Variants in FHIT observed in about 807,000 individuals in gnomAD.
The protein encoded by FHIT is bis(5'-adenosyl)-triphosphatase.
A neutral mutation model predicts 17.9 loss-of-function variants in FHIT; 19 were observed. The ratio of observed to expected loss-of-function variants is 1.06; its 90% CI spans 0.74 to 1.56. The LOEUF (loss-of-function observed/expected upper bound fraction) is 1.56, where lower values mean the gene tolerates loss of function less well. Ranked by LOEUF, FHIT falls within the 40% of genes most tolerant of loss-of-function variation. FHIT has a pLI of 0.00. For missense variants in FHIT, 248 were observed against 189.2 expected (o/e 1.31, Z -1.82); for synonymous variants, 81 against 69.7 (o/e 1.16, Z -0.81).
At chr3:61,075,980 C>T (rs1486917987) in intron 2 of FHIT, among the ~76,000 whole-genome samples, 1 of 152,124 alleles carries the variant, frequency 6.6e-6, no homozygotes, top group Non-Finnish European at 1.5e-5. Flanking sequence ...GTGTTGAGCA[C>T]TTTACATTAT....
In FHIT at chr3:60,926,767, C is replaced by G. The variant is rs540817709; in HGVS notation, c.-110-104756G>C. On this transcript the variant is annotated intron_variant, in intron 3 of 9. Coordinates refer to ENST00000492590, the MANE Select transcript of FHIT (RefSeq NM_002012.4). ...TTCAAAAAATCAATGAATCCAGGAG[C>G]TGGTTTTTTGAAAAGATCAACAAAA... 2.0e-5 allele frequency among the ~76,000 whole-genome samples: 3 copies of G among 152,202 alleles called. No individual in the cohort carries two copies. In the South Asian group the frequency reaches 6.2e-4, roughly 32 times the overall value.
At chr3:59,831,275 T>TATGATG (rs374077447) in intron 8 of FHIT, among the ~76,000 whole-genome samples, 31 of 151,720 alleles carry the variant, frequency 2.0e-4, no homozygotes, top group African/African-American at 6.5e-4. Flanking sequence ...ATGCTGGTGA[T>TATGATG]ATGATGATGA....
At chr3:59,940,086 T>G (rs969939954) in intron 7 of FHIT, among the ~76,000 whole-genome samples, 3 of 152,168 alleles carry the variant, frequency 2.0e-5, no homozygotes, top group Non-Finnish European at 4.4e-5. Context: ...GGACCTGAGA[T>G]AGTCAACACC....
chr3:60,291,834 T>A (rs73836413), intron 5 of FHIT, among the ~76,000 whole-genome samples: 1 of 152,132 alleles, frequency 6.6e-6, no homozygotes, highest in Non-Finnish European at 1.5e-5. Context: ...AGAGGAAAGA[T>A]TGGAGCCAGA....
rs570079456 is a variant in FHIT at position 60,569,586 on chromosome 3, G to A, written c.-17-32607C>T. The stretch of plus-strand genomic sequence containing the variant: ...AGAACGTAAGCTCTAGTGTCAGAAC[G>A]CCTGGGTTCTTATTCCATCTGGCTA... On this transcript the variant is annotated intron_variant, in intron 4 of 9. Transcript: ENST00000492590. 8.6e-5 allele frequency among the ~76,000 whole-genome samples: 13 copies of A among 151,554 alleles called. No homozygotes were observed. In the South Asian group the frequency reaches 1.7e-3, roughly 19 times the overall value.
At position 60,780,369 on chromosome 3, in the gene FHIT, C is replaced by T. The variant is rs76014555; in HGVS notation, c.-18+41550G>A. ...TTAAACTGGTTAGCTTAGGATTGGG[C>T]TCAGGGGAAGGGGACCCAGAAGCCC... On this transcript the variant is annotated intron_variant, in intron 4 of 9. Coordinates refer to ENST00000492590, the MANE Select transcript of FHIT (RefSeq NM_002012.4). Among the ~76,000 whole-genome samples, 471 of 152,238 alleles carry T rather than the reference C, an allele frequency of 3.1e-3. 2 individuals are homozygous for T. Among genetic ancestry groups the T allele is most frequent in the Non-Finnish European group, 5.5e-3 (374 of 68,018 alleles).
intron 3 of FHIT, among the ~76,000 whole-genome samples, chr3:60,998,282 T>G (rs1444343936): frequency 6.6e-6 from 1 of 152,208 alleles, no homozygotes; most frequent in Non-Finnish European, 1.5e-5. Flanking sequence ...TGCTTGTTAT[T>G]CAAGAGCAAC....
rs1491311135 is a variant in FHIT, at chr3:61,239,761, C to CTATATATATATATATATATATATA, written c.-213+11539_-213+11540insTATATATATATATATATATATATA. On this transcript the variant is annotated intron_variant, in intron 1 of 9. Coordinates refer to ENST00000492590, the MANE Select transcript of FHIT (RefSeq NM_002012.4). ...TAAAACTGCAAAGAAAAACAACTGG[C>CTATATATATATATATATATATATA]CATATATATATATATATATATATAC... is the stretch of plus-strand genomic sequence containing the variant. 6.5e-3 allele frequency among the ~76,000 whole-genome samples: 412 copies of CTATATATATATATATATATATATA among 63,006 alleles called. 17 individuals are homozygous for CTATATATATATATATATATATATA. The highest frequency in any genetic ancestry group is 0.013 in the East Asian group (13 of 1,028). The allele number at this position is 63,006 out of a possible 152,430, so 41.3% of individuals were successfully genotyped here.
intron 5 of FHIT, among the ~76,000 whole-genome samples, chr3:60,040,112 G>A (rs746638689): frequency 6.6e-6 from 1 of 151,954 alleles, no homozygotes; most frequent in Non-Finnish European, 1.5e-5. Flanking sequence ...AAAAATTGAT[G>A]TCACCTAATG....
At chr3:59,831,212 T>C (rs1469575035) in intron 8 of FHIT, among the ~76,000 whole-genome samples, 1 of 152,166 alleles carries the variant, frequency 6.6e-6, no homozygotes, top group Non-Finnish European at 1.5e-5. Flanking sequence ...TTATTACTGA[T>C]ATGAAGTATT....
intron 4 of FHIT, among the ~76,000 whole-genome samples, chr3:60,750,483 C>T (rs1553716519): frequency 6.6e-6 from 1 of 152,108 alleles, no homozygotes; most frequent in African/African-American, 2.4e-5. Flanking sequence ...GTCTTTCCTG[C>T]ACTGTTCACA....
intron 5 of FHIT, among the ~76,000 whole-genome samples, chr3:60,359,603 A>G (rs1311633957): frequency 6.6e-6 from 1 of 152,088 alleles, no homozygotes; most frequent in African/African-American, 2.4e-5. Context: ...TCTTTTTCGA[A>G]TTCTGTGACA....
rs755998896 is a variant in FHIT, at chr3:60,229,449, G to A, written c.104-215297C>T. On this transcript the variant is annotated intron_variant, in intron 5 of 9. Transcript: ENST00000492590. ...GAAAAAAAAAAAAAGAAAAAGAAAA[G>A]AAAAGAAAGAAAGAAAAGAAAGCAA... 9.1e-3 allele frequency among the ~76,000 whole-genome samples: 1,368 copies of A among 150,662 alleles called. 17 individuals are homozygous for A. Among genetic ancestry groups the A allele is most frequent in the Middle Eastern group, 0.021 (6 of 292 alleles).
chr3:61,240,443 C>A (rs1301329035), intron 1 of FHIT, among the ~76,000 whole-genome samples: 1 of 152,154 alleles, frequency 6.6e-6, no homozygotes, highest in African/African-American at 2.4e-5. Context: ...CTGGGTGAAT[C>A]TCTCCTCTCC....
chr3:60,983,080 TTAAC>T (rs1440288057), intron 3 of FHIT, among the ~76,000 whole-genome samples: 1 of 152,032 alleles, frequency 6.6e-6, no homozygotes, highest in African/African-American at 2.4e-5. Flanking sequence ...GGACAGATAT[TTAAC>T]TAAGTAACCT....
intron 4 of FHIT, among the ~76,000 whole-genome samples, chr3:60,743,363 G>T (rs2042278301): frequency 6.6e-6 from 1 of 152,158 alleles, no homozygotes; most frequent in Non-Finnish European, 1.5e-5. Context: ...AGGGATGCAG[G>T]TCAATAGATG....
At chr3:59,871,855 G>C (rs926003890) in intron 8 of FHIT, among the ~76,000 whole-genome samples, 6 of 152,204 alleles carry the variant, frequency 3.9e-5, no homozygotes, top group Admixed American at 1.3e-4. Context: ...GAAACTAGCT[G>C]ACATTTTGGA....
chr3:60,070,351 C>T (rs1370502274), intron 5 of FHIT, among the ~76,000 whole-genome samples: 1 of 152,174 alleles, frequency 6.6e-6, no homozygotes, highest in Non-Finnish European at 1.5e-5. Flanking sequence ...TTGCTGGTGC[C>T]CAATAAGGAG....
At chr3:61,155,010 A>G (rs2037495939) in intron 2 of FHIT, among the ~76,000 whole-genome samples, 1 of 152,218 alleles carries the variant, frequency 6.6e-6, no homozygotes, top group African/African-American at 2.4e-5. Flanking sequence ...CTCCCAGGCA[A>G]TATCCCTGCC....
Sources: gnomAD v4.1 joint callset for allele counts (sites outside exome capture counted in the v4.1 genomes callset) on GRCh38, gnomAD v4.1.1 for gene constraint, MANE v1.5 for transcripts, NCBI Gene and HGNC (gene_info 2026-07-23, HGNC 2026-07-21) for gene names.